The following KHDRBS3 variants were observed in gnomAD, a reference collection of about 807,000 sequenced individuals.
KHDRBS3 encodes the protein KH RNA binding domain containing, signal transduction associated 3, also known as KH domain-containing, RNA-binding, signal transduction-associated protein 3.
A neutral mutation model predicts 45.6 loss-of-function variants in KHDRBS3; 23 were observed. The ratio of observed to expected loss-of-function variants is 0.50; its 90% CI spans 0.36 to 0.72. The LOEUF is 0.72. Among genes scored for constraint, KHDRBS3 ranks in the 30% least tolerant of loss-of-function variants. KHDRBS3 has a pLI of 0.00. For missense variants in KHDRBS3, 352 were observed against 424.8 expected (o/e 0.83, Z 1.51); for synonymous variants, 162 against 156.5 (o/e 1.04, Z -0.26).
intron 1 of KHDRBS3, among the ~76,000 whole-genome samples, chr8:135,518,968 G>C (rs778876852): frequency 1.3e-5 from 2 of 152,024 alleles, no homozygotes; most frequent in African/African-American, 2.4e-5. Context: ...AAAATTAAAG[G>C]TACTCTTCTA....
At chr8:135,475,057 C>T (rs1324462158) in intron 1 of KHDRBS3, among the ~76,000 whole-genome samples, 1 of 152,168 alleles carries the variant, frequency 6.6e-6, no homozygotes, top group Non-Finnish European at 1.5e-5. Context: ...CTTTCTTTTC[C>T]ATTTGTAAGG....
At chr8:135,575,075 A>G (rs373483526) in intron 5 of KHDRBS3, among the ~76,000 whole-genome samples, 1 of 152,180 alleles carries the variant, frequency 6.6e-6, no homozygotes, top group East Asian at 1.9e-4. Flanking sequence ...CATGACAACT[A>G]TTTTTACTGT....
intron 1 of KHDRBS3, among the ~76,000 whole-genome samples, chr8:135,465,232 C>T (rs1821635538): frequency 1.3e-5 from 2 of 152,146 alleles, no homozygotes; most frequent in African/African-American, 2.4e-5. Context: ...CTCAGTTTCC[C>T]CATCTGTGAA....
chr8:135,500,481 A>AGCAGAAG (rs1287139370), intron 1 of KHDRBS3, among the ~76,000 whole-genome samples: 1 of 152,196 alleles, frequency 6.6e-6, no homozygotes, highest in African/African-American at 2.4e-5. Flanking sequence ...CTGAAGAGGA[A>AGCAGAAG]TTATCTGGAA....
At position 135,536,974 on chromosome 8, in the gene KHDRBS3, A is replaced by C. The variant is rs1825797653; in HGVS notation, c.208-5680A>C. Among the ~76,000 whole-genome samples, 5 of 47,804 alleles carry C rather than the reference A, an allele frequency of 1.0e-4. 1 individual carries two copies. The Admixed American group carries it at 1.2e-3, about 11-fold the overall frequency. 31.4% of individuals were successfully genotyped at this position (47,804 alleles called of 152,430 possible). On this transcript the variant is annotated intron_variant, in intron 2 of 8. Coordinates refer to ENST00000355849, the MANE Select transcript of KHDRBS3 (RefSeq NM_006558.3). ...AGAGCGAAACTCCATCTCAAAAAAA[A>C]AAAAAAAAAAAAAAAAAAAAAAAGG...
chr8:135,551,528 T>A (rs908772071), intron 4 of KHDRBS3, among the ~76,000 whole-genome samples: 2 of 152,178 alleles, frequency 1.3e-5, no homozygotes, highest in Non-Finnish European at 2.9e-5. Flanking sequence ...TATTCTCCTT[T>A]ATTTTGTGAA....
chr8:135,577,370 A>G (rs944950684), intron 5 of KHDRBS3, among the ~76,000 whole-genome samples: 8 of 152,090 alleles, frequency 5.3e-5, no homozygotes, highest in African/African-American at 1.7e-4. Context: ...TTTTGGTATC[A>G]TACAGAATAG....
chr8:135,595,877 GA>G (rs1403633560), intron 6 of KHDRBS3, among the ~76,000 whole-genome samples: 1 of 152,172 alleles, frequency 6.6e-6, no homozygotes, highest in Non-Finnish European at 1.5e-5. Flanking sequence ...ATTTCTATTG[GA>G]AGACATGGAC....
At chr8:135,648,612 T>G (rs1288581738), downstream of KHDRBS3, 1 of 152,224 alleles carries the variant, frequency 6.6e-6, no homozygotes, top group Non-Finnish European at 1.5e-5. Flanking sequence ...AGTTTGCCTT[T>G]TTGTTCCAAT....
At chr8:135,593,337 CT>C (rs1828831774) in intron 6 of KHDRBS3, 1 of 152,098 alleles carries the variant, frequency 6.6e-6, no homozygotes, top group African/African-American at 2.4e-5. Flanking sequence ...GGTGGTCAAT[CT>C]GTTATTTGGA....
chr8:135,639,424 T>C (rs181492115), intron 7 of KHDRBS3, among the ~76,000 whole-genome samples: 3 of 152,288 alleles, frequency 2.0e-5, no homozygotes, highest in African/African-American at 7.2e-5. Flanking sequence ...TCCCATATGC[T>C]GAAATCACCA....
chr8:135,638,467 C>G (rs1830911978), intron 7 of KHDRBS3, among the ~76,000 whole-genome samples: 1 of 152,160 alleles, frequency 6.6e-6, no homozygotes, highest in African/African-American at 2.4e-5. Flanking sequence ...AAAGCAAAAA[C>G]TAACACATAT....
At chr8:135,644,363 CCAGACTTGTGACTGGACTG>C (rs1831194714) in intron 7 of KHDRBS3, among the ~76,000 whole-genome samples, 1 of 152,136 alleles carries the variant, frequency 6.6e-6, no homozygotes, top group Non-Finnish European at 1.5e-5. Flanking sequence ...CCTCATGTAA[CCAGACTTGTGACTGGACTG>C]CAGAGATCCA....
At chr8:135,515,365 TAA>T (rs59502823) in intron 1 of KHDRBS3, among the ~76,000 whole-genome samples, 53 of 39,726 alleles carry the variant, frequency 1.3e-3, no homozygotes, top group Middle Eastern at 0.016. Context: ...GACTCCGTCT[TAA>T]AAAAAAAAAA....
chr8:135,625,896 T>C (rs1830336269), intron 7 of KHDRBS3: 1 of 775,582 alleles, frequency 1.3e-6, no homozygotes, highest in African/African-American at 1.7e-5. Context: ...CACGTTCAAC[T>C]GCAGAGACTA....
At chr8:135,650,149 C>T (rs1344460733), downstream of KHDRBS3, among the ~76,000 whole-genome samples, 6 of 152,162 alleles carry the variant, frequency 3.9e-5, no homozygotes, top group Non-Finnish European at 5.9e-5. Flanking sequence ...ATACTGGACA[C>T]AACAGAGGCA....
chr8:135,469,532 T>TTTTG (rs1821895910), intron 1 of KHDRBS3, among the ~76,000 whole-genome samples: 2 of 44,870 alleles, frequency 4.5e-5, no homozygotes, highest in African/African-American at 1.3e-4. Flanking sequence ...GGTTTTTTTT[T>TTTTG]TTTTTTTTTT....
chr8:135,536,061 G>A (rs149614789), intron 2 of KHDRBS3, among the ~76,000 whole-genome samples: 3 of 152,020 alleles, frequency 2.0e-5, no homozygotes, highest in African/African-American at 7.2e-5. Flanking sequence ...CTTTTAAGAA[G>A]GTTTCAACTT....
chr8:135,590,324 G>A (rs112704911), intron 6 of KHDRBS3, among the ~76,000 whole-genome samples: 88 of 152,330 alleles, frequency 5.8e-4, no homozygotes, highest in African/African-American at 1.9e-3. Context: ...TCATTATGTG[G>A]TATGTGGCTG....
Sources: allele counts gnomAD v4.1 joint callset (sites outside exome capture counted in the v4.1 genomes callset), GRCh38; gene constraint gnomAD v4.1.1; transcripts MANE v1.5; gene names NCBI Gene and HGNC (gene_info 2026-07-23, HGNC 2026-07-21).